The following PARD3B variants were observed in gnomAD, a reference collection of about 807,000 sequenced individuals.
The protein encoded by PARD3B is par-3 family cell polarity regulator beta.
A neutral mutation model predicts 130.2 loss-of-function variants in PARD3B; 103 were observed. The observed-to-expected ratio is 0.79, with a 90% CI of 0.67 to 0.93. PARD3B has a LOEUF of 0.93. Among genes scored for constraint, PARD3B ranks in the 40% least tolerant of loss-of-function variants. The probability of loss-of-function intolerance (pLI) is 0.00; values close to 1 mark genes in which losing one functional copy is unlikely to be tolerated. For synonymous variants in PARD3B, 583 were observed against 553.2 expected (o/e 1.05, Z -0.76); for missense variants, 1,609 against 1,499.2 (o/e 1.07, Z -1.21).
intron 7 of PARD3B, among the ~76,000 whole-genome samples, chr2:205,119,339 T>G (rs1240903859): frequency 6.6e-6 from 1 of 152,144 alleles, no homozygotes; most frequent in Non-Finnish European, 1.5e-5. Context: ...TATGGGTCAC[T>G]TAAACTGGTA....
Position 204,664,856 on chromosome 2 carries a change from C to G in PARD3B, c.121-21325C>G, listed in dbSNP as rs891155546. Among the ~76,000 whole-genome samples the G allele has an allele frequency of 2.0e-5, 3 of 152,182 alleles. No individual in the cohort carries two copies. Among genetic ancestry groups the G allele is most frequent in the African/African-American group, 7.2e-5 (3 of 41,436 alleles). On this transcript the variant is annotated intron_variant, in intron 1 of 22. Transcript: ENST00000406610. The surrounding 1 kb of genome is among the most constrained non-coding windows in gnomAD (Gnocchi z 5.2). ...CAGTTTGAGGTATAATCAGTGTCTT[C>G]TCACTCTCTCCTTTTCTTTCATCTC...
chr2:205,158,233 A>G lies in PARD3B; in HGVS notation c.1435-489A>G, dbSNP rs184455986. Reference sequence around the variant, plus strand: ...AAACTTTACCAATAGTGTTGTTTCCATAGTAAATGATATGTTTTAAATTAT... The same window carrying G: ...AAACTTTACCAATAGTGTTGTTTCCGTAGTAAATGATATGTTTTAAATTAT... On this transcript the variant is annotated intron_variant, in intron 10 of 22. Transcript: ENST00000406610. The surrounding 1 kb of genome is among the most constrained non-coding windows in gnomAD (Gnocchi z 5.4). Among the ~76,000 whole-genome samples the G allele has an allele frequency of 6.6e-6, 1 of 152,124 alleles. No individual in the cohort carries two copies. The highest frequency in any genetic ancestry group is 2.1e-4 in the South Asian group (1 of 4,820).
In PARD3B at chr2:204,664,407, A is replaced by G. The variant is rs2035939732; in HGVS notation, c.121-21774A>G. The stretch of plus-strand genomic sequence containing the variant: ...AGAAGTTGTGGCCTGCAAGTAACAT[A>G]AAGCAAATAAAATTTTTGCCAGACG... On this transcript the variant is annotated intron_variant, in intron 1 of 22. Coordinates refer to ENST00000406610, the MANE Select transcript of PARD3B (RefSeq NM_001302769.2). This position sits in a 1 kb window ranked among gnomAD's most constrained non-coding sequence, Gnocchi z 5.2. Among the ~76,000 whole-genome samples, 1 of 152,220 alleles carries G rather than the reference A, an allele frequency of 6.6e-6. No individual in the cohort carries two copies. The highest frequency in any genetic ancestry group is 2.4e-5 in the African/African-American group (1 of 41,460).
At chr2:205,174,817 T>A (rs1313434286) in intron 12 of PARD3B, among the ~76,000 whole-genome samples, 5 of 152,224 alleles carry the variant, frequency 3.3e-5, no homozygotes, top group African/African-American at 9.6e-5. Flanking sequence ...ACAAGATATG[T>A]AAACAGTTTT....
intron 20 of PARD3B, among the ~76,000 whole-genome samples, chr2:205,441,365 A>G (rs1385645719): frequency 2.6e-5 from 4 of 152,208 alleles, no homozygotes; most frequent in Non-Finnish European, 5.9e-5. Flanking sequence ...ACCTCCTGCC[A>G]AAAGTAAAAT....
intron 2 of PARD3B, among the ~76,000 whole-genome samples, chr2:204,720,015 C>A (rs1178137048): frequency 7.2e-5 from 11 of 151,852 alleles, no homozygotes; most frequent in Admixed American, 7.2e-4. Flanking sequence ...TTTGAGGTTT[C>A]TTTGTATGTG....
At chr2:205,477,967 A>G (rs776989305) in intron 20 of PARD3B, among the ~76,000 whole-genome samples, 3 of 152,236 alleles carry the variant, frequency 2.0e-5, no homozygotes, top group Admixed American at 6.5e-5. Flanking sequence ...AGTACCATCA[A>G]CATCCCAACC....
chr2:204,648,063 A>G (rs1008097524), intron 1 of PARD3B, among the ~76,000 whole-genome samples: 3 of 151,736 alleles, frequency 2.0e-5, no homozygotes, highest in Non-Finnish European at 4.4e-5. Flanking sequence ...AAATGTGTAG[A>G]AAATTATATA....
At chr2:205,494,453 GA>G (rs773219207) in intron 20 of PARD3B, among the ~76,000 whole-genome samples, 3 of 152,002 alleles carry the variant, frequency 2.0e-5, no homozygotes, top group Non-Finnish European at 4.4e-5. Context: ...GTCATATGTT[GA>G]TTCTCCTTTG....
chr2:205,140,456 G>GAA (rs5837955), intron 10 of PARD3B, among the ~76,000 whole-genome samples: 5 of 88,780 alleles, frequency 5.6e-5, no homozygotes, highest in African/African-American at 1.7e-4. Context: ...TCCAGAGAGT[G>GAA]AAAAAAAAAA....
At chr2:205,026,223 C>T (rs373308623) in intron 3 of PARD3B, among the ~76,000 whole-genome samples, 10 of 152,066 alleles carry the variant, frequency 6.6e-5, no homozygotes, top group East Asian at 1.9e-4. Flanking sequence ...GAACATTCTA[C>T]GCAGAGGGAC....
intron 4 of PARD3B, chr2:205,048,574 T>A (rs1226650286): frequency 6.6e-6 from 1 of 152,212 alleles, no homozygotes; most frequent in Admixed American, 6.5e-5. Flanking sequence ...TTTCTCACTT[T>A]AAGTCTCACT....
chr2:205,382,395 A>C (rs913851030), intron 18 of PARD3B, among the ~76,000 whole-genome samples: 2 of 152,072 alleles, frequency 1.3e-5, no homozygotes, highest in Non-Finnish European at 2.9e-5. Context: ...GAAGTACATG[A>C]TGTTGATGTA....
chr2:205,309,514 TA>T lies in PARD3B; in HGVS notation c.2630+7814del, dbSNP rs1348013828. Among the ~76,000 whole-genome samples the T allele has an allele frequency of 6.6e-6, 1 of 152,160 alleles. No homozygotes were observed. The highest frequency in any genetic ancestry group is 2.4e-5 in the African/African-American group (1 of 41,438). ...AATATACTATCTATTTTATTTAAACTAGGGGAATTCTATATAAAGACATCCT... is the reference window on the plus strand; with the variant it reads ...AATATACTATCTATTTTATTTAAACTGGGGAATTCTATATAAAGACATCCT... On this transcript the variant is annotated intron_variant, in intron 18 of 22. Coordinates refer to ENST00000406610, the MANE Select transcript of PARD3B (RefSeq NM_001302769.2). This position sits in a 1 kb window ranked among gnomAD's most constrained non-coding sequence, Gnocchi z 4.7.
intron 19 of PARD3B, among the ~76,000 whole-genome samples, chr2:205,418,599 G>A (rs890633134): frequency 6.6e-6 from 1 of 152,130 alleles, no homozygotes; most frequent in Non-Finnish European, 1.5e-5. Context: ...CCAGACACTT[G>A]CAATGAAATC....
chr2:205,171,648 G>A (rs1355539298), intron 11 of PARD3B, among the ~76,000 whole-genome samples: 4 of 152,138 alleles, frequency 2.6e-5, no homozygotes, highest in African/African-American at 9.7e-5. Context: ...ACACACCTCT[G>A]TGTTCTTTGG....
intron 16 of PARD3B, among the ~76,000 whole-genome samples, chr2:205,272,071 T>A (rs975858626): frequency 6.6e-6 from 1 of 151,560 alleles, no homozygotes; most frequent in African/African-American, 2.4e-5. Context: ...GGCAGGAGAA[T>A]CGTTTGAACC....
chr2:205,195,762 G>A (rs529531154), intron 15 of PARD3B, among the ~76,000 whole-genome samples: 1 of 151,762 alleles, frequency 6.6e-6, no homozygotes, highest in South Asian at 2.1e-4. Flanking sequence ...GCCTATTTAG[G>A]ATGAATACAC....
chr2:204,839,594 T>C (rs1429072429), intron 2 of PARD3B, among the ~76,000 whole-genome samples: 1 of 152,146 alleles, frequency 6.6e-6, no homozygotes, highest in Non-Finnish European at 1.5e-5. Flanking sequence ...AGAGATGATT[T>C]GTATAATCTT....
Sources: gnomAD v4.1 joint callset for allele counts (sites outside exome capture counted in the v4.1 genomes callset) on GRCh38, gnomAD v4.1.1 for gene constraint, Gnocchi (gnomAD v3.1) non-coding constraint, MANE v1.5 for transcripts, NCBI Gene and HGNC (gene_info 2026-07-23, HGNC 2026-07-21) for gene names.